The following CPEB3 variants were observed in gnomAD, a reference collection of about 807,000 sequenced individuals.
CPEB3 encodes the protein cytoplasmic polyadenylation element-binding protein 3.
In CPEB3, 20 loss-of-function variants were observed where a neutral mutation model predicts 67.2. The ratio of observed to expected loss-of-function variants is 0.30; its 90% confidence interval spans 0.21 to 0.43. The LOEUF (loss-of-function observed/expected upper bound fraction) is 0.43. CPEB3 is among the 20% of genes least tolerant of loss of function. The pLI is 1.00. For synonymous variants in CPEB3, 376 were observed against 393.1 expected (o/e 0.96, Z 0.51); for missense variants, 746 against 968.6 (o/e 0.77, Z 3.05).
chr10:92,184,151 T>C (rs1045114521), intron 3 of CPEB3, among the ~76,000 whole-genome samples: 2 of 152,206 alleles, frequency 1.3e-5, no homozygotes, highest in East Asian at 1.9e-4. Flanking sequence ...TTCCTTATGA[T>C]GCAGTAAAAC....
intron 3 of CPEB3, among the ~76,000 whole-genome samples, chr10:92,190,422 T>C (rs1848912065): frequency 6.6e-6 from 1 of 151,644 alleles, no homozygotes; most frequent in African/African-American, 2.4e-5. Context: ...TCTCAGCACT[T>C]TGGGAGGCCG....
chr10:92,155,731 A>C (rs2133914198), intron 4 of CPEB3, among the ~76,000 whole-genome samples: 1 of 152,268 alleles, frequency 6.6e-6, no homozygotes, highest in Admixed American at 6.5e-5. Context: ...CAAACTGCAG[A>C]CCAAGAGCAG....
rs1841901651 is a variant in CPEB3 at position 92,051,770 on chromosome 10, T to G, written c.*442A>C. ...CTGCCACCTACTCACGAGTATTACC[T>G]TTGGTAAGTCTTGTCCTAGGGGCAA... On this transcript the variant is annotated 3_prime_UTR_variant, in exon 10 of 10. Coordinates refer to ENST00000265997, the MANE Select transcript of CPEB3 (RefSeq NM_014912.5). 1 of 155,074 alleles carries G rather than the reference T, an allele frequency of 6.4e-6. No individual in the cohort carries two copies. Among genetic ancestry groups the G allele is most frequent in the South Asian group, 2.0e-4 (1 of 4,966 alleles). 9.6% of individuals were successfully genotyped at this position (155,074 alleles called of 1,614,324 possible).
chr10:92,136,241 A>C (rs1478611756), intron 6 of CPEB3, among the ~76,000 whole-genome samples: 2 of 152,156 alleles, frequency 1.3e-5, no homozygotes, highest in African/African-American at 4.8e-5. Flanking sequence ...CAAACAAACA[A>C]AAACACTGGG....
chr10:92,118,246 C>T (rs1385501932), intron 6 of CPEB3, among the ~76,000 whole-genome samples: 1 of 152,168 alleles, frequency 6.6e-6, no homozygotes, highest in Non-Finnish European at 1.5e-5. Flanking sequence ...ATTCTCCTGC[C>T]TCAGCCTACC....
chr10:92,172,186 A>G (rs1848034457), intron 4 of CPEB3, among the ~76,000 whole-genome samples: 1 of 152,206 alleles, frequency 6.6e-6, no homozygotes, highest in Admixed American at 6.5e-5. Flanking sequence ...ACTTGCCACA[A>G]GGTCACATGG....
At chr10:92,065,171 T>C (rs1842498169) in intron 9 of CPEB3, among the ~76,000 whole-genome samples, 1 of 152,206 alleles carries the variant, frequency 6.6e-6, no homozygotes, top group Non-Finnish European at 1.5e-5. Context: ...GTTAAGAAGG[T>C]TGCAAATATA....
chr10:92,079,556 A>T, intron 9 of CPEB3, among the ~76,000 whole-genome samples: 1 of 152,194 alleles, frequency 6.6e-6, no homozygotes, highest in East Asian at 1.9e-4. Context: ...ATTCTAAATT[A>T]TTTTATTCAT....
At chr10:92,111,867 G>C (rs533796354) in intron 6 of CPEB3, among the ~76,000 whole-genome samples, 30 of 152,192 alleles carry the variant, frequency 2.0e-4, no homozygotes, top group Non-Finnish European at 4.4e-4. Flanking sequence ...CACACAAAAA[G>C]CTTCAAAAAA....
chr10:92,193,440 AC>A (rs2134183262), intron 2 of CPEB3, among the ~76,000 whole-genome samples: 1 of 149,910 alleles, frequency 6.7e-6, no homozygotes, highest in African/African-American at 2.4e-5. Context: ...TGTTCCCCCC[AC>A]CCCACCCCAG....
intron 2 of CPEB3, among the ~76,000 whole-genome samples, chr10:92,231,098 A>G (rs544071763): frequency 6.6e-6 from 1 of 152,324 alleles, no homozygotes; most frequent in Admixed American, 6.5e-5. Flanking sequence ...TTACACTTAC[A>G]TTGGTGAGTC....
At chr10:92,167,886 C>A (rs967242721) in intron 4 of CPEB3, among the ~76,000 whole-genome samples, 6 of 151,690 alleles carry the variant, frequency 4.0e-5, no homozygotes, top group African/African-American at 1.5e-4. Flanking sequence ...CCAGCCTGGG[C>A]AGGCAGAGTG....
chr10:92,247,013 T>C (rs538141165), intron 1 of CPEB3, among the ~76,000 whole-genome samples: 3 of 152,298 alleles, frequency 2.0e-5, no homozygotes, highest in Admixed American at 1.3e-4. Context: ...GGGATTGTAT[T>C]GTATTGAAAA....
Position 92,050,733 on chromosome 10 carries a change from G to A in CPEB3, c.*1479C>T, listed in dbSNP as rs1443811194. On this transcript the variant is annotated 3_prime_UTR_variant, in exon 10 of 10. Transcript: ENST00000265997. Reference sequence around the variant, plus strand: ...CTTATTTTGTACAGACATTTCTTTAGCATCACCATTACACAACTTTCTTAA... The same window carrying A: ...CTTATTTTGTACAGACATTTCTTTAACATCACCATTACACAACTTTCTTAA... The A allele has an allele frequency of 1.3e-5, 2 of 152,546 alleles. No individual in the cohort carries two copies. The highest frequency in any genetic ancestry group is 2.9e-5 in the Non-Finnish European group (2 of 68,028). The allele number at this position is 152,546 out of a possible 1,614,324, so 9.4% of individuals were successfully genotyped here. A position where few individuals can be genotyped will look rare whatever the true frequency, so the allele number is the denominator to read the frequency against.
intron 2 of CPEB3, among the ~76,000 whole-genome samples, chr10:92,217,070 T>G (rs1590415732): frequency 7.1e-6 from 1 of 140,808 alleles, no homozygotes; most frequent in Non-Finnish European, 1.5e-5. Context: ...TGGCTGGGCA[T>G]AGTGGTATGC....
At chr10:92,264,293 A>C (rs1464994438) in intron 1 of CPEB3, among the ~76,000 whole-genome samples, 1 of 151,184 alleles carries the variant, frequency 6.6e-6, no homozygotes, top group Non-Finnish European at 1.5e-5. Flanking sequence ...ATGCCACTGC[A>C]CTCCAGCCTG....
chr10:92,104,058 T>C (rs1032867095), intron 7 of CPEB3, among the ~76,000 whole-genome samples: 1 of 152,236 alleles, frequency 6.6e-6, no homozygotes, highest in African/African-American at 2.4e-5. Context: ...TGTAAAATGC[T>C]GGATTAAACA....
At chr10:92,192,767 T>G (rs1393537808) in intron 2 of CPEB3, 131 bp from the exon 3 acceptor site, 3 of 581,860 alleles carry the variant, frequency 5.2e-6, no homozygotes, top group Non-Finnish European at 8.5e-6. Context: ...ATACAGTCCT[T>G]CTTTTTATTT....
At chr10:92,062,378 C>CA (rs902875583) in intron 9 of CPEB3, among the ~76,000 whole-genome samples, 6 of 150,160 alleles carry the variant, frequency 4.0e-5, no homozygotes, top group African/African-American at 1.5e-4. Context: ...AACAAACAAA[C>CA]AAAAAAACAA....
Sources: allele counts gnomAD v4.1 joint callset (sites outside exome capture counted in the v4.1 genomes callset), GRCh38; gene constraint gnomAD v4.1.1; transcripts MANE v1.5; gene names NCBI Gene and HGNC (gene_info 2026-07-23, HGNC 2026-07-21).